Variants in AOC1 observed in about 807,000 individuals in gnomAD.
AOC1 encodes diamine oxidase [copper-containing].
A neutral mutation model predicts 57.1 loss-of-function variants in AOC1; 58 were observed. The ratio of observed to expected loss-of-function variants is 1.02; its 90% CI spans 0.82 to 1.26. AOC1 has a LOEUF of 1.26. Among genes scored for constraint, AOC1 ranks in the 50% most tolerant of loss-of-function variants. The pLI is 0.00. For missense variants in AOC1, 917 were observed against 1,005.3 expected (o/e 0.91, Z 1.19); for synonymous variants, 401 against 423.4 (o/e 0.95, Z 0.65).
In AOC1 at chr7:150,857,496, C is replaced by T. The variant is rs41465145; in HGVS notation, c.1026C>T (p.Gly342=). The T allele has an allele frequency of 0.047, 76,033 of 1,613,592 alleles. 2,223 individuals are homozygous for T. Among genetic ancestry groups the T allele is most frequent in the South Asian group, 0.055 (5,048 of 91,076 alleles). Reference sequence around the variant, plus strand: ...TGCAGGTCCTGAACGTGCACTTCGGCGGAGAGCGCATTGCCTATGAGGTCA... The same window carrying T: ...TGCAGGTCCTGAACGTGCACTTCGGTGGAGAGCGCATTGCCTATGAGGTCA... ...SGLQVLNVHF[G]GERIAYEVSV... is the part of the protein sequence containing the mutation. Residue 342 remains glycine, a synonymous_variant, in exon 2 of 5, where the codon GGC becomes GGT. Transcript: ENST00000360937. This position sits in a 1 kb window ranked among gnomAD's most constrained non-coding sequence, Gnocchi z 6.6.
At chr7:150,860,362 G>A in intron 3 of AOC1, 139 bp from the exon 4 acceptor site, 1 of 1,460,054 alleles carries the variant, frequency 6.8e-7, no homozygotes, top group Non-Finnish European at 9.3e-7. Context: ...CCGTCCTGCT[G>A]ACTCCCAGGA....
chr7:150,857,443 G>T lies in AOC1; in HGVS notation c.973G>T (p.Ala325Ser). 6.2e-7 allele frequency: 1 copy of T among 1,611,136 alleles called. No homozygotes were observed. Among genetic ancestry groups the T allele is most frequent in the Non-Finnish European group, 8.5e-7 (1 of 1,179,560 alleles). Residue 325 changes from alanine (A) to serine (S), a missense_variant, in exon 2 of 5, where the codon GCC becomes TCC. Coordinates refer to ENST00000360937, the MANE Select transcript of AOC1 (RefSeq NM_001091.4). The surrounding 1 kb of genome is among the most constrained non-coding windows in gnomAD (Gnocchi z 6.6). Reference protein sequence around the residue: ...NAVLYGGWSFAFRLRSSSGLQ... With the variant: ...NAVLYGGWSFSFRLRSSSGLQ... ...TGTGCTCTACGGCGGCTGGAGCTTT[G>T]CCTTCCGGCTGCGCTCCTCCTCCGG...
chr7:150,856,407 A>G lies in AOC1; in HGVS notation c.-16-48A>G, dbSNP rs1168744317. 2 of 1,533,772 alleles carry G rather than the reference A, an allele frequency of 1.3e-6. No individual in the cohort carries two copies. Among genetic ancestry groups the G allele is most frequent in the Middle Eastern group, 1.9e-4 (1 of 5,254 alleles). On this transcript the variant is annotated intron_variant, in intron 1 of 4. Coordinates refer to ENST00000360937, the MANE Select transcript of AOC1 (RefSeq NM_001091.4). This position sits in a 1 kb window ranked among gnomAD's most constrained non-coding sequence, Gnocchi z 5.2. Reference sequence around the variant, plus strand: ...CATGGCCCTAACCTGAGGGAAGCCCATCTCTGCCCATAAGACAACTAAGTT... The same window carrying G: ...CATGGCCCTAACCTGAGGGAAGCCCGTCTCTGCCCATAAGACAACTAAGTT...
chr7:150,853,695 A>ATATATATATATT (rs1244012491), intron 1 of AOC1, among the ~76,000 whole-genome samples: 104 of 84,190 alleles, frequency 1.2e-3, no homozygotes, highest in Non-Finnish European at 1.9e-3. Flanking sequence ...ATATATATAT[A>ATATATATATATT]TATTTATTTA....
In AOC1 at chr7:150,859,485, C is replaced by T. The variant is rs45467300; in HGVS notation, c.1856+437C>T. On this transcript the variant is annotated intron_variant, in intron 3 of 4. Transcript: ENST00000360937. ...TTGGGAAGCTGAGGCAGACAGATCACGAGGTCAGGAGATCAAGACCATCCT... is the reference window on the plus strand; with the variant it reads ...TTGGGAAGCTGAGGCAGACAGATCATGAGGTCAGGAGATCAAGACCATCCT... 3.6e-3 allele frequency among the ~76,000 whole-genome samples: 540 copies of T among 152,020 alleles called. 5 individuals carry two copies. The highest frequency in any genetic ancestry group is 0.012 in the African/African-American group (512 of 41,488).
At position 150,857,148 on chromosome 7, in the gene AOC1, AGATG is replaced by A; in HGVS notation, c.679_682del (p.Asp227LeufsTer70). The A allele has an allele frequency of 6.2e-7, 1 of 1,613,964 alleles. No individual in the cohort carries two copies. Among genetic ancestry groups the A allele is most frequent in the Non-Finnish European group, 8.5e-7 (1 of 1,179,974 alleles). ...AGCTCCTCGTGGATCATGGGAGCAC[AGATG>A]CTGGGCACTGGGCCGTGGAGCAGGT... is the stretch of plus-strand genomic sequence containing the variant. On this transcript the variant is annotated frameshift_variant, in exon 2 of 5. Transcript: ENST00000360937. LOFTEE classifies it high-confidence loss of function. This position sits in a 1 kb window ranked among gnomAD's most constrained non-coding sequence, Gnocchi z 6.6.
In AOC1 at chr7:150,857,796, T is replaced by C. The variant is rs1408209719; in HGVS notation, c.1326T>C (p.Tyr442=). The C allele has an allele frequency of 6.2e-7, 1 of 1,614,184 alleles. No individual in the cohort carries two copies. Among genetic ancestry groups the C allele is most frequent in the East Asian group, 2.2e-5 (1 of 44,878 alleles). ...ACTTTAAAGGTGGCTTCAACTTCTA[T>C]GCGGGGCTGAAGGGCCAGGTGCTGG... is the stretch of plus-strand genomic sequence containing the variant. ...NSNFKGGFNF[Y]AGLKGQVLVL... Residue 442 remains tyrosine, a synonymous_variant, in exon 2 of 5, where the codon TAT becomes TAC. Coordinates refer to ENST00000360937, the MANE Select transcript of AOC1 (RefSeq NM_001091.4). The surrounding 1 kb of genome is among the most constrained non-coding windows in gnomAD (Gnocchi z 6.6).
chr7:150,855,476 G>C (rs1563089277), intron 1 of AOC1, among the ~76,000 whole-genome samples: 1 of 152,166 alleles, frequency 6.6e-6, no homozygotes. Flanking sequence ...TTTTACAGCT[G>C]CTTGGGGAAT....
rs572130558 is a variant in AOC1, at chr7:150,861,200, A to G, written c.2247A>G (p.Arg749=). The G allele has an allele frequency of 1.6e-4, 260 of 1,575,766 alleles. 3 individuals are homozygous for G. In the South Asian group the frequency reaches 2.8e-3, roughly 17 times the overall value. The change falls in exon 5 of 5, where the codon AGA becomes AGG. Residue 749 remains arginine, a synonymous_variant. Coordinates refer to ENST00000360937, the MANE Select transcript of AOC1 (RefSeq NM_001091.4). The surrounding 1 kb of genome is among the most constrained non-coding windows in gnomAD (Gnocchi z 4.5). The part of the protein sequence containing the change: ...PPPFSYNGTY[R]PV Reference sequence around the variant, plus strand: ...CTTTTAGCTACAATGGGACCTATAGACCTGTGTGACCAGCCCCCAGTTCCT... The same window carrying G: ...CTTTTAGCTACAATGGGACCTATAGGCCTGTGTGACCAGCCCCCAGTTCCT...
At position 150,857,446 on chromosome 7, in the gene AOC1, T is replaced by G. The variant is rs529004056; in HGVS notation, c.976T>G (p.Phe326Val). Residue 326 changes from phenylalanine to valine, a missense_variant, in exon 2 of 5, where the codon TTC becomes GTC. Phe to Val is a conservative substitution (Grantham distance 50). Transcript: ENST00000360937. The surrounding 1 kb of genome is among the most constrained non-coding windows in gnomAD (Gnocchi z 6.6). Reference sequence around the variant, plus strand: ...GCTCTACGGCGGCTGGAGCTTTGCCTTCCGGCTGCGCTCCTCCTCCGGGCT... The same window carrying G: ...GCTCTACGGCGGCTGGAGCTTTGCCGTCCGGCTGCGCTCCTCCTCCGGGCT... ...AVLYGGWSFA[F>V]RLRSSSGLQV... 75 of 1,611,480 alleles carry G rather than the reference T, an allele frequency of 4.7e-5. 1 individual carries two copies. Among genetic ancestry groups the G allele is most frequent in the Non-Finnish European group, 6.0e-5 (71 of 1,179,602 alleles).
rs776876816 is a variant in AOC1, at chr7:150,856,899, C to T, written c.429C>T (p.Ile143=). 8 of 1,614,118 alleles carry T rather than the reference C, an allele frequency of 5.0e-6. No homozygotes were observed. In the South Asian group the frequency reaches 8.8e-5, roughly 18 times the overall value. ...GYQSSWASRP[I]STAEYALLYH... ...AGTCCTCCTGGGCATCGAGGCCCAT[C>T]TCCACAGCAGAGTATGCCCTCCTCT... Residue 143 remains isoleucine, a synonymous_variant, in exon 2 of 5, where the codon ATC becomes ATT. Coordinates refer to ENST00000360937, the MANE Select transcript of AOC1 (RefSeq NM_001091.4). The surrounding 1 kb of genome is among the most constrained non-coding windows in gnomAD (Gnocchi z 5.2).
chr7:150,857,922 C>T lies in AOC1; in HGVS notation c.1452C>T (p.Tyr484=), dbSNP rs141269275. Residue 484 remains tyrosine, a synonymous_variant, in exon 2 of 5, where the codon TAC becomes TAT. Transcript: ENST00000360937. This position sits in a 1 kb window ranked among gnomAD's most constrained non-coding sequence, Gnocchi z 6.6. ...VMEAKMHATG[Y]VHATFYTPEG... ...AGGCCAAGATGCATGCCACTGGCTA[C>T]GTCCACGCCACCTTCTACACCCCCG... is the stretch of plus-strand genomic sequence containing the variant. 171 of 1,612,610 alleles carry T rather than the reference C, an allele frequency of 1.1e-4. 1 individual carries two copies. The highest frequency in any genetic ancestry group is 4.9e-4 in the South Asian group (45 of 90,954).
chr7:150,853,462 G>A (rs1037507176), intron 1 of AOC1, among the ~76,000 whole-genome samples: 1 of 151,706 alleles, frequency 6.6e-6, no homozygotes, highest in African/African-American at 2.4e-5. Context: ...TATAAAGTTT[G>A]TTAAAAGACT....
At position 150,857,436 on chromosome 7, in the gene AOC1, G is replaced by A. The variant is rs746810501; in HGVS notation, c.966G>A (p.Trp322Ter). ...LEGNAVLYGG[W>*]SFAFRLRSSS... ...GCAACGCTGTGCTCTACGGCGGCTG[G>A]AGCTTTGCCTTCCGGCTGCGCTCCT... The change falls in exon 2 of 5, where the codon TGG becomes TGA. Residue 322 changes from tryptophan to a stop codon, truncating the protein, a stop_gained. Transcript: ENST00000360937. LOFTEE classifies it high-confidence loss of function. The surrounding 1 kb of genome is among the most constrained non-coding windows in gnomAD (Gnocchi z 6.6). 1 of 1,611,210 alleles carries A rather than the reference G, an allele frequency of 6.2e-7. No individual in the cohort carries two copies. The highest frequency in any genetic ancestry group is 8.5e-7 in the Non-Finnish European group (1 of 1,179,586).
intron 1 of AOC1, among the ~76,000 whole-genome samples, chr7:150,853,682 TA>T (rs1563087039): frequency 0.017 from 1,548 of 89,454 alleles, 23 homozygotes; most frequent in African/African-American, 0.027. Flanking sequence ...TATATATATA[TA>T]TATATATATA....
chr7:150,860,423 C>T (rs757187633), intron 3 of AOC1, 78 bp from the exon 4 acceptor site: 2 of 1,607,058 alleles, frequency 1.2e-6, no homozygotes, highest in Non-Finnish European at 1.7e-6. Context: ...TATTCTGACC[C>T]TGAGGCTGTT....
At chr7:150,860,848 G>A (rs1799948452) in intron 4 of AOC1, 95 bp from the exon 5 acceptor site, 1 of 1,499,738 alleles carries the variant, frequency 6.7e-7, no homozygotes, top group South Asian at 1.3e-5. Context: ...AATTCAGCAA[G>A]TTTCCAGGCA....
At chr7:150,860,690 C>A in intron 4 of AOC1, 57 bp downstream of exon 4, 1 of 1,572,186 alleles carries the variant, frequency 6.4e-7, no homozygotes, top group South Asian at 1.2e-5. Context: ...CCAGCTCAGC[C>A]CAGGACCATC....
rs762209291 is a variant in AOC1, at chr7:150,858,826, C to G, written c.1634C>G (p.Pro545Arg). ...KLENITNPWS[P>R]RHRVVQPTLE... ...GAAAACATCACCAACCCCTGGAGCCCAAGACACCGCGTGGTCCAGCCAACT... is the reference window on the plus strand; with the variant it reads ...GAAAACATCACCAACCCCTGGAGCCGAAGACACCGCGTGGTCCAGCCAACT... Residue 545 changes from proline (P) to arginine (R), a missense_variant, in exon 3 of 5, where the codon CCA becomes CGA. Pro to Arg is a moderately radical substitution (Grantham distance 103). Coordinates refer to ENST00000360937, the MANE Select transcript of AOC1 (RefSeq NM_001091.4). The G allele has an allele frequency of 6.2e-7, 1 of 1,613,638 alleles. No individual in the cohort carries two copies. The highest frequency in any genetic ancestry group is 1.7e-5 in the Admixed American group (1 of 59,998).
Sources: allele counts gnomAD v4.1 joint callset (sites outside exome capture counted in the v4.1 genomes callset), GRCh38; gene constraint gnomAD v4.1.1; non-coding constraint Gnocchi (gnomAD v3.1); transcripts MANE v1.5; gene names NCBI Gene and HGNC (gene_info 2026-07-23, HGNC 2026-07-21).